The following LRMDA variants were observed in gnomAD, a reference collection of about 807,000 sequenced individuals.
LRMDA encodes the protein leucine rich melanocyte differentiation associated.
Under a neutral mutation model 29.8 loss-of-function variants are expected in LRMDA, and 18 were observed. The ratio of observed to expected loss-of-function variants is 0.60; its 90% CI spans 0.42 to 0.90. The LOEUF (loss-of-function observed/expected upper bound fraction) is 0.90. Ranked by LOEUF, LRMDA falls within the 40% of genes least tolerant of loss-of-function variation. The probability of loss-of-function intolerance (pLI) is 0.00; values close to 1 mark genes in which losing one functional copy is unlikely to be tolerated. For missense variants in LRMDA, 273 were observed against 273.9 expected, an observed-to-expected ratio of 1.00 and a Z score of 0.02; for synonymous variants, 125 against 109.4, an observed-to-expected ratio of 1.14 and a Z score of -0.89.
At chr10:75,497,883 T>C (rs1246397911) in intron 2 of LRMDA, among the ~76,000 whole-genome samples, 1 of 152,282 alleles carries the variant, frequency 6.6e-6, no homozygotes, top group Non-Finnish European at 1.5e-5. Flanking sequence ...TACAAGCCTT[T>C]GTTTGTATAT....
At chr10:76,437,351 A>G (rs1842255861) in intron 6 of LRMDA, 1 of 152,242 alleles carries the variant, frequency 6.6e-6, no homozygotes, top group Non-Finnish European at 1.5e-5. Context: ...TGATGTCCAA[A>G]GAAATTTTCC....
intron 2 of LRMDA, among the ~76,000 whole-genome samples, chr10:75,874,150 T>G (rs1197980134): frequency 6.6e-6 from 1 of 152,200 alleles, no homozygotes; most frequent in Admixed American, 6.5e-5. Flanking sequence ...TACATATGCC[T>G]TAGACTTAAT....
intron 2 of LRMDA, among the ~76,000 whole-genome samples, chr10:75,748,968 A>G (rs1842921457): frequency 6.6e-6 from 1 of 152,218 alleles, no homozygotes; most frequent in Non-Finnish European, 1.5e-5. Context: ...GCAGGTAGAT[A>G]CATATACAGT....
At chr10:75,682,948 A>T (rs1364291574) in intron 2 of LRMDA, among the ~76,000 whole-genome samples, 1 of 152,278 alleles carries the variant, frequency 6.6e-6, no homozygotes, top group Non-Finnish European at 1.5e-5. Context: ...AACATAAAGC[A>T]TATCCATCCC....
chr10:75,500,230 C>T (rs1845096263), intron 2 of LRMDA, among the ~76,000 whole-genome samples: 2 of 152,178 alleles, frequency 1.3e-5, no homozygotes, highest in African/African-American at 4.8e-5. Context: ...TGCTAATACA[C>T]ATGCACACAC....
At chr10:75,926,386 T>C (rs753336130) in intron 2 of LRMDA, among the ~76,000 whole-genome samples, 24 of 152,196 alleles carry the variant, frequency 1.6e-4, no homozygotes, top group Non-Finnish European at 3.1e-4. Context: ...AAAACACTTG[T>C]CTGAAATTTT....
chr10:76,002,674 A>G (rs1437465651), intron 2 of LRMDA, among the ~76,000 whole-genome samples: 1 of 152,242 alleles, frequency 6.6e-6, no homozygotes, highest in Non-Finnish European at 1.5e-5. Flanking sequence ...GTTACAACAA[A>G]GAGACACACA....
chr10:76,292,996 T>G (rs1426827087), intron 5 of LRMDA, among the ~76,000 whole-genome samples: 1 of 152,168 alleles, frequency 6.6e-6, no homozygotes, highest in African/African-American at 2.4e-5. Context: ...TATGATGGAT[T>G]CTTGCTCTGT....
intron 2 of LRMDA, among the ~76,000 whole-genome samples, chr10:75,976,835 T>A (rs1847080244): frequency 1.3e-5 from 2 of 152,216 alleles, no homozygotes; most frequent in Non-Finnish European, 2.9e-5. Flanking sequence ...GAGCATGTGT[T>A]CCTAATCGCC....
chr10:75,576,552 C>T (rs375057530), intron 2 of LRMDA, among the ~76,000 whole-genome samples: 7 of 152,222 alleles, frequency 4.6e-5, no homozygotes, highest in African/African-American at 1.7e-4. Context: ...CAAGTGGGCC[C>T]CTGACCTCCG....
At chr10:75,753,849 G>A (rs1842995240) in intron 2 of LRMDA, among the ~76,000 whole-genome samples, 1 of 152,188 alleles carries the variant, frequency 6.6e-6, no homozygotes, top group Admixed American at 6.5e-5. Flanking sequence ...TCATGGGATA[G>A]ATGCGGTGCT....
intron 2 of LRMDA, among the ~76,000 whole-genome samples, chr10:75,563,682 T>C (rs1840330579): frequency 6.6e-6 from 1 of 152,120 alleles, no homozygotes; most frequent in African/African-American, 2.4e-5. Flanking sequence ...TGGTCTTTGA[T>C]GATGGTGATG....
At chr10:76,069,725 A>G (rs1848845421) in intron 5 of LRMDA, among the ~76,000 whole-genome samples, 1 of 151,380 alleles carries the variant, frequency 6.6e-6, no homozygotes. Flanking sequence ...AGCATTTTGA[A>G]TTGTCACAGA....
chr10:75,955,160 A>T (rs1263927868), intron 2 of LRMDA, among the ~76,000 whole-genome samples: 4 of 152,202 alleles, frequency 2.6e-5, no homozygotes, highest in African/African-American at 4.8e-5. Context: ...TAAGATAGGG[A>T]TATTTTACTT....
chr10:75,954,748 C>T (rs984609910), intron 2 of LRMDA, among the ~76,000 whole-genome samples: 4 of 152,194 alleles, frequency 2.6e-5, no homozygotes, highest in Non-Finnish European at 5.9e-5. Flanking sequence ...ACTTGCAGAA[C>T]GCTTGTTGGC....
At chr10:75,852,434 A>G (rs1844747054) in intron 2 of LRMDA, among the ~76,000 whole-genome samples, 1 of 152,120 alleles carries the variant, frequency 6.6e-6, no homozygotes, top group African/African-American at 2.4e-5. Context: ...GGTTAATTGG[A>G]TGGTAGGAAA....
At chr10:76,421,105 T>A (rs1424278087) in intron 6 of LRMDA, among the ~76,000 whole-genome samples, 1 of 152,200 alleles carries the variant, frequency 6.6e-6, no homozygotes, top group Admixed American at 6.5e-5. Context: ...CTGCTTCTTT[T>A]ACTTACTGAG....
chr10:76,010,001 TTC>T (rs1394506218), intron 2 of LRMDA, among the ~76,000 whole-genome samples: 2 of 152,160 alleles, frequency 1.3e-5, no homozygotes, highest in Admixed American at 6.5e-5. Flanking sequence ...CCCACCCGCC[TTC>T]TCTCTGTTAT....
chr10:76,111,081 C>T (rs1170794239), intron 5 of LRMDA, among the ~76,000 whole-genome samples: 1 of 152,106 alleles, frequency 6.6e-6, no homozygotes, highest in Non-Finnish European at 1.5e-5. Context: ...TCTCAGTAAC[C>T]TAAATCAACT....
Sources: gnomAD v4.1 joint callset for allele counts (sites outside exome capture counted in the v4.1 genomes callset) on GRCh38, gnomAD v4.1.1 for gene constraint, MANE v1.5 for transcripts, NCBI Gene and HGNC (gene_info 2026-07-23, HGNC 2026-07-21) for gene names.